The following TNPO1 variants were observed in gnomAD, a reference collection of about 807,000 sequenced individuals.
TNPO1 encodes transportin-1.
TNPO1 carries 8 observed loss-of-function variants against 119.5 expected under a neutral mutation model. That is an observed-to-expected ratio of 0.07 (90% CI 0.04 to 0.12). The LOEUF is 0.12. TNPO1 is among the 10% of genes least tolerant of loss of function. TNPO1 has a pLI of 1.00. For missense variants in TNPO1, 576 were observed against 1,089.8 expected (o/e 0.53, Z 6.64); for synonymous variants, 362 against 363.0 (o/e 1.00, Z 0.03).
intron 20 of TNPO1, among the ~76,000 whole-genome samples, 200 bp from the exon 21 acceptor site, chr5:72,899,806 A>G (rs961262792): frequency 6.6e-6 from 1 of 152,116 alleles, no homozygotes; most frequent in African/African-American, 2.4e-5. Context: ...AGAGTATGCC[A>G]TATATGTTGC....
At chr5:72,875,857 A>T (rs1053498257) in intron 8 of TNPO1, 120 bp downstream of exon 8, 2 of 1,220,226 alleles carry the variant, frequency 1.6e-6, no homozygotes, top group African/African-American at 3.0e-5. Flanking sequence ...TCTTAAAATT[A>T]TAAGTTATCT....
chr5:72,883,138 G>C lies in TNPO1; in HGVS notation c.1056G>C (p.Thr352=), dbSNP rs763860088. 5 of 1,614,026 alleles carry C rather than the reference G, an allele frequency of 3.1e-6. No homozygotes were observed. The South Asian group carries it at 4.4e-5, about 14-fold the overall frequency. ...GGCCACGTTTTCACCGATCGAGGAC[G>C]GTGGCTCAGCAGCATGATGAAGATG... ...DIRPRFHRSR[T]VAQQHDEDGI... is the part of the protein sequence containing the mutation. Residue 352 remains threonine (T), a synonymous_variant, in exon 11 of 25, where the codon ACG becomes ACC. Coordinates refer to ENST00000337273, the MANE Select transcript of TNPO1 (RefSeq NM_002270.4).
At chr5:72,871,544 C>T (rs909179004) in intron 6 of TNPO1, among the ~76,000 whole-genome samples, 3 of 152,088 alleles carry the variant, frequency 2.0e-5, no homozygotes, top group African/African-American at 7.2e-5. Flanking sequence ...TTCATACAGT[C>T]ATGAGTACAA....
At chr5:72,903,397 A>G (rs896241230) in intron 22 of TNPO1, among the ~76,000 whole-genome samples, 1 of 152,042 alleles carries the variant, frequency 6.6e-6, no homozygotes, top group Non-Finnish European at 1.5e-5. Flanking sequence ...GAGTATTTTT[A>G]TGGGTGTCGA....
Position 72,893,217 on chromosome 5 carries a change from C to T in TNPO1, c.1867C>T (p.Leu623=), listed in dbSNP as rs746477762. 1 of 1,614,074 alleles carries T rather than the reference C, an allele frequency of 6.2e-7. No homozygotes were observed. The highest frequency in any genetic ancestry group is 2.2e-5 in the East Asian group (1 of 44,882). ...ACCTGTGTATCAGCGTTGTGTAAACCTAGTACAGAAGACTCTTGCACAAGC... is the reference window on the plus strand; with the variant it reads ...ACCTGTGTATCAGCGTTGTGTAAACTTAGTACAGAAGACTCTTGCACAAGC... ...CEPVYQRCVN[L]VQKTLAQAML... Residue 623 remains leucine, a synonymous_variant, in exon 16 of 25, where the codon CTA becomes TTA. Coordinates refer to ENST00000337273, the MANE Select transcript of TNPO1 (RefSeq NM_002270.4).
chr5:72,897,499 T>C (rs1436990561), intron 20 of TNPO1, among the ~76,000 whole-genome samples: 1 of 151,942 alleles, frequency 6.6e-6, no homozygotes, highest in Non-Finnish European at 1.5e-5. Flanking sequence ...TTTTTTTTTT[T>C]AATCTGTCCA....
intron 5 of TNPO1, among the ~76,000 whole-genome samples, chr5:72,863,032 T>C (rs1746594170): frequency 7.1e-6 from 1 of 140,172 alleles, no homozygotes; most frequent in Admixed American, 6.9e-5. Flanking sequence ...GTGTGGTTTT[T>C]TTTGTTGTTT....
intron 7 of TNPO1, among the ~76,000 whole-genome samples, chr5:72,873,250 G>A (rs1374286110): frequency 6.6e-6 from 1 of 152,018 alleles, no homozygotes; most frequent in Non-Finnish European, 1.5e-5. Flanking sequence ...TTCTGGCCAG[G>A]AACCATAAGC....
intron 14 of TNPO1, among the ~76,000 whole-genome samples, chr5:72,891,523 T>C (rs890154903): frequency 3.3e-5 from 5 of 152,154 alleles, no homozygotes; most frequent in Non-Finnish European, 5.9e-5. Flanking sequence ...TAATAGATTT[T>C]GATTAGCTGT....
intron 5 of TNPO1, among the ~76,000 whole-genome samples, chr5:72,863,415 A>G (rs1258207843): frequency 1.3e-5 from 2 of 152,162 alleles, no homozygotes; most frequent in Non-Finnish European, 2.9e-5. Context: ...CCTGGGCAAT[A>G]TGGTAAAACC....
At chr5:72,819,132 G>A (rs976531698) in intron 1 of TNPO1, among the ~76,000 whole-genome samples, 1 of 152,164 alleles carries the variant, frequency 6.6e-6, no homozygotes, top group African/African-American at 2.4e-5. Context: ...GAAGCAAGGC[G>A]CCGCCATCTG....
At chr5:72,864,033 G>C (rs1746688856) in intron 5 of TNPO1, among the ~76,000 whole-genome samples, 2 of 152,056 alleles carry the variant, frequency 1.3e-5, no homozygotes, top group Non-Finnish European at 2.9e-5. Context: ...TGTTGGTATG[G>C]AGTGATAGCT....
At chr5:72,861,629 C>A (rs1746454979) in intron 4 of TNPO1, among the ~76,000 whole-genome samples, 179 bp from the exon 5 acceptor site, 1 of 152,136 alleles carries the variant, frequency 6.6e-6, no homozygotes, top group Non-Finnish European at 1.5e-5. Context: ...GTCTGGAATT[C>A]CTGGGCTCAA....
chr5:72,849,662 A>T (rs1479922322), intron 2 of TNPO1, among the ~76,000 whole-genome samples: 1 of 152,210 alleles, frequency 6.6e-6, no homozygotes, highest in Non-Finnish European at 1.5e-5. Context: ...TTAAAAGTGG[A>T]AGGGATAATG....
chr5:72,844,429 C>T (rs1341583356), intron 1 of TNPO1, among the ~76,000 whole-genome samples: 4 of 152,138 alleles, frequency 2.6e-5, no homozygotes, highest in Admixed American at 2.6e-4. Flanking sequence ...AATCCCTATG[C>T]AAAGGCTCAG....
chr5:72,870,738 G>A (rs1326016946), intron 6 of TNPO1, among the ~76,000 whole-genome samples: 1 of 152,148 alleles, frequency 6.6e-6, no homozygotes, highest in Non-Finnish European at 1.5e-5. Flanking sequence ...AGTAGTAGGT[G>A]CCTCTGGAGG....
At chr5:72,891,284 G>C (rs995111123) in intron 14 of TNPO1, among the ~76,000 whole-genome samples, 3 of 152,068 alleles carry the variant, frequency 2.0e-5, no homozygotes, top group African/African-American at 7.2e-5. Flanking sequence ...GGCTAACACG[G>C]TGAAACCCTG....
At chr5:72,855,678 C>G (rs1227517334) in intron 3 of TNPO1, 96 bp from the exon 4 acceptor site, 1 of 1,019,802 alleles carries the variant, frequency 9.8e-7, no homozygotes, top group African/African-American at 1.6e-5. Context: ...GTTTGAATGT[C>G]AATCAACTTT....
At chr5:72,864,215 A>G (rs1746710671) in intron 5 of TNPO1, among the ~76,000 whole-genome samples, 1 of 152,220 alleles carries the variant, frequency 6.6e-6, no homozygotes, top group African/African-American at 2.4e-5. Flanking sequence ...TGCATATTAA[A>G]TTGAAGTTTG....
Sources: gnomAD v4.1 joint callset for allele counts (sites outside exome capture counted in the v4.1 genomes callset) on GRCh38, gnomAD v4.1.1 for gene constraint, MANE v1.5 for transcripts, NCBI Gene and HGNC (gene_info 2026-07-23, HGNC 2026-07-21) for gene names.